TMPRSS11F: variants seen among roughly 807,000 people sequenced by gnomAD.
TMPRSS11F encodes the protein transmembrane serine protease 11F.
A neutral mutation model predicts 60.2 loss-of-function variants in TMPRSS11F; 47 were observed. That is an observed-to-expected ratio of 0.78 (90% CI 0.62 to 1.00). TMPRSS11F has a LOEUF of 1.00. TMPRSS11F is among the 50% of genes least tolerant of loss of function. The pLI is 0.00. For synonymous variants in TMPRSS11F, 166 were observed against 167.3 expected, an observed-to-expected ratio of 0.99 and a Z score of 0.06; for missense variants, 519 against 522.9, an observed-to-expected ratio of 0.99 and a Z score of 0.07.
intron 3 of TMPRSS11F, among the ~76,000 whole-genome samples, chr4:68,084,673 A>G (rs1341973253): frequency 6.6e-6 from 1 of 152,340 alleles, no homozygotes; most frequent in Admixed American, 6.5e-5. Context: ...CTAAATGTCA[A>G]AATGAAGGAA....
At chr4:68,073,097 C>T (rs1439601016) in intron 4 of TMPRSS11F, among the ~76,000 whole-genome samples, 1 of 152,170 alleles carries the variant, frequency 6.6e-6, no homozygotes, top group East Asian at 1.9e-4. Context: ...CCCTTGTCTG[C>T]CAACCAGATG....
In TMPRSS11F at chr4:68,129,803, T is replaced by C; in HGVS notation, c.11+7A>G. ...ATAACCTTTACTGAGAAAAGCTGAA[T>C]ACTTACGCGTACATCATGAACCCAG... On this transcript the variant is annotated splice_region_variant and intron_variant, in intron 1 of 9. Transcript: ENST00000356291. The C allele has an allele frequency of 6.2e-7, 1 of 1,613,044 alleles. No individual in the cohort carries two copies. Among genetic ancestry groups the C allele is most frequent in the Non-Finnish European group, 8.5e-7 (1 of 1,179,202 alleles).
At chr4:68,099,117 T>C (rs900594077) in intron 1 of TMPRSS11F, 79 bp from the exon 2 acceptor site, 7 of 1,264,690 alleles carry the variant, frequency 5.5e-6, no homozygotes, top group Middle Eastern at 1.9e-4. Flanking sequence ...TGTTCCTCTA[T>C]GAAAATAGTT....
chr4:68,073,671 A>AC (rs954959118), intron 4 of TMPRSS11F, among the ~76,000 whole-genome samples: 4 of 126,442 alleles, frequency 3.2e-5, no homozygotes, highest in Non-Finnish European at 8.0e-5. Flanking sequence ...AGCTTAAGAG[A>AC]CGGGGGGAAG....
intron 8 of TMPRSS11F, among the ~76,000 whole-genome samples, chr4:68,064,247 C>T (rs552830147): frequency 8.8e-5 from 13 of 147,280 alleles, no homozygotes; most frequent in Admixed American, 3.5e-4. Context: ...TGCAATGTTT[C>T]GATCTCAGCT....
At position 68,061,783 on chromosome 4, in the gene TMPRSS11F, C is replaced by T. The variant is rs1723180389; in HGVS notation, c.1016-2315G>A. 3 of 440,308 alleles carry T rather than the reference C, an allele frequency of 6.8e-6. No homozygotes were observed. In the Admixed American group the frequency reaches 7.3e-5, roughly 11 times the overall value. 27.3% of individuals were successfully genotyped at this position (440,308 alleles called of 1,614,324 possible). On this transcript the variant is annotated intron_variant, in intron 8 of 9. Coordinates refer to ENST00000356291, the MANE Select transcript of TMPRSS11F (RefSeq NM_207407.2). ...ACAAGAATACAGGAAGTGCTTTCAA[C>T]AGAAAGTTACGTAGTTCTACAGTAC...
intron 1 of TMPRSS11F, among the ~76,000 whole-genome samples, chr4:68,113,019 A>C (rs1299303271): frequency 6.6e-6 from 1 of 152,214 alleles, no homozygotes; most frequent in Non-Finnish European, 1.5e-5. Context: ...CATTTATAGA[A>C]CACTCCACCC....
intron 1 of TMPRSS11F, 95 bp from the exon 2 acceptor site, chr4:68,099,133 T>G: frequency 9.0e-7 from 1 of 1,107,164 alleles, no homozygotes; most frequent in Non-Finnish European, 1.3e-6. Context: ...TAGTTTATAC[T>G]GCTAAATAAC....
chr4:68,126,595 T>C lies in TMPRSS11F; in HGVS notation c.11+3215A>G, dbSNP rs560344757. On this transcript the variant is annotated intron_variant, in intron 1 of 9. Transcript: ENST00000356291. ...TTTACTCCTAACCTTTCCTCTTTTCTCAGTATCTGTTCTTTGGTTTTAGCC... is the reference window on the plus strand; with the variant it reads ...TTTACTCCTAACCTTTCCTCTTTTCCCAGTATCTGTTCTTTGGTTTTAGCC... Among the ~76,000 whole-genome samples the C allele has an allele frequency of 4.3e-4, 65 of 152,356 alleles. No individual in the cohort carries two copies. In the South Asian group the frequency reaches 0.013, roughly 31 times the overall value.
chr4:68,070,480 C>T (rs1474597708), intron 5 of TMPRSS11F, among the ~76,000 whole-genome samples: 1 of 152,110 alleles, frequency 6.6e-6, no homozygotes, highest in Non-Finnish European at 1.5e-5. Flanking sequence ...ATTTCAAGGC[C>T]CTGATCTAAC....
chr4:68,107,778 A>C (rs1166908842), intron 1 of TMPRSS11F, among the ~76,000 whole-genome samples: 2 of 152,092 alleles, frequency 1.3e-5, no homozygotes, highest in Non-Finnish European at 2.9e-5. Flanking sequence ...CTCTACTAAA[A>C]ATGGAAAAAT....
chr4:68,063,502 A>G (rs1483141993), intron 8 of TMPRSS11F, among the ~76,000 whole-genome samples: 2 of 151,892 alleles, frequency 1.3e-5, no homozygotes, highest in African/African-American at 2.4e-5. Context: ...TCAGCCTCCC[A>G]AGTAGCTGGG....
chr4:68,077,159 C>T (rs994862030), intron 3 of TMPRSS11F: 6 of 152,228 alleles, frequency 3.9e-5, no homozygotes, highest in Admixed American at 1.3e-4. Flanking sequence ...GTCTGTCACT[C>T]AATATATACC....
intron 6 of TMPRSS11F, 91 bp downstream of exon 6, chr4:68,069,878 G>T: frequency 2.9e-6 from 3 of 1,027,440 alleles, no homozygotes; most frequent in Non-Finnish European, 4.2e-6. Context: ...GTCTTAAAAA[G>T]CTTGGTAAAC....
intron 2 of TMPRSS11F, among the ~76,000 whole-genome samples, chr4:68,094,045 C>T (rs1724012790): frequency 8.2e-6 from 1 of 121,992 alleles, no homozygotes; most frequent in South Asian, 2.9e-4. Context: ...CATCCCATTA[C>T]TGGGTATATA....
In TMPRSS11F at chr4:68,068,733, T is replaced by C. The variant is rs1187690543; in HGVS notation, c.640A>G (p.Met214Val). 12 of 1,614,256 alleles carry C rather than the reference T, an allele frequency of 7.4e-6. No individual in the cohort carries two copies. Among genetic ancestry groups the C allele is most frequent in the Non-Finnish European group, 9.3e-6 (11 of 1,180,044 alleles). ...QRIVQGRETAMEGEWPWQASL... is the reference protein window; with the variant it reads ...QRIVQGRETAVEGEWPWQASL... ...GCCTGCCATGGCCATTCCCCTTCCA[T>C]AGCTGTTTCCCTTCCTTGGACAATT... Residue 214 changes from methionine to valine, a missense_variant, in exon 7 of 10, where the codon ATG becomes GTG. Coordinates refer to ENST00000356291, the MANE Select transcript of TMPRSS11F (RefSeq NM_207407.2).
At chr4:68,059,219 G>C in intron 9 of TMPRSS11F, 107 bp downstream of exon 9, 3 of 1,132,336 alleles carry the variant, frequency 2.6e-6, no homozygotes, top group Non-Finnish European at 3.7e-6. Context: ...TCAGTTCTCG[G>C]TGTAAGAGAT....
chr4:68,071,938 A>G (rs1723474479), intron 5 of TMPRSS11F, among the ~76,000 whole-genome samples: 1 of 151,940 alleles, frequency 6.6e-6, no homozygotes, highest in Admixed American at 6.6e-5. Flanking sequence ...GTGAGTCACA[A>G]TACCTGTGTC....
chr4:68,115,356 C>CAAAAAAA lies in TMPRSS11F; in HGVS notation c.11+14447_11+14453dup, dbSNP rs57550471. Among the ~76,000 whole-genome samples the CAAAAAAA allele has an allele frequency of 8.0e-5, 6 of 74,680 alleles. 1 individual carries two copies. Among genetic ancestry groups the CAAAAAAA allele is most frequent in the African/African-American group, 2.1e-4 (4 of 18,980 alleles). 49.0% of individuals were successfully genotyped at this position (74,680 alleles called of 152,430 possible). On this transcript the variant is annotated intron_variant, in intron 1 of 9. Coordinates refer to ENST00000356291, the MANE Select transcript of TMPRSS11F (RefSeq NM_207407.2). ...TGGGCAACAGAGCAAGACACCATCT[C>CAAAAAAA]AAAAAAAAAAAAAAAAAAAAAAAAA...
Sources: gnomAD v4.1 joint callset for allele counts (sites outside exome capture counted in the v4.1 genomes callset) on GRCh38, gnomAD v4.1.1 for gene constraint, MANE v1.5 for transcripts, NCBI Gene and HGNC (gene_info 2026-07-23, HGNC 2026-07-21) for gene names.